Variants in RBFA observed in about 807,000 individuals in gnomAD.
The protein encoded by RBFA is ribosome binding factor A, also known as putative ribosome-binding factor A, mitochondrial.
In RBFA, 16 loss-of-function variants were observed where a neutral mutation model predicts 27.9. The observed-to-expected ratio is 0.57, with a 90% CI of 0.39 to 0.87. The LOEUF (loss-of-function observed/expected upper bound fraction) is 0.87. Ranked by LOEUF, RBFA falls within the 40% of genes least tolerant of loss-of-function variation. The pLI, the probability that RBFA is intolerant of heterozygous loss-of-function variation, is 0.00. For synonymous variants in RBFA, 181 were observed against 181.0 expected (o/e 1.00, Z 0.00); for missense variants, 456 against 432.1 (o/e 1.06, Z -0.49).
chr18:80,045,519 C>T (rs188266705), intron 6 of RBFA, among the ~76,000 whole-genome samples: 1 of 152,238 alleles, frequency 6.6e-6, no homozygotes, highest in African/African-American at 2.4e-5. Flanking sequence ...GCCACCGTGC[C>T]CGGCGCAAAT....
At chr18:80,043,445 G>A (rs1212226585) in intron 5 of RBFA, among the ~76,000 whole-genome samples, 2 of 152,230 alleles carry the variant, frequency 1.3e-5, no homozygotes, top group East Asian at 3.8e-4. Flanking sequence ...AGGAATCAGG[G>A]ACAGTTCAGG....
In RBFA at chr18:80,046,323, G is replaced by GT. The variant is rs922643830; in HGVS notation, c.*177dup. 2,640 of 719,538 alleles carry GT rather than the reference G, an allele frequency of 3.7e-3. 1 individual carries two copies. Among genetic ancestry groups the GT allele is most frequent in the Middle Eastern group, 4.9e-3 (12 of 2,428 alleles). The allele number at this position is 719,538 out of a possible 1,614,324, so 44.6% of individuals were successfully genotyped here. A position where few individuals can be genotyped will look rare whatever the true frequency, so the allele number is the denominator to read the frequency against. On this transcript the variant is annotated 3_prime_UTR_variant, in exon 7 of 7. Coordinates refer to ENST00000306735, the MANE Select transcript of RBFA (RefSeq NM_024805.3). Reference sequence around the variant, plus strand: ...AACACAATTTGCTACACAAGTCACTGTTTTTTTTTCCATGCACTGTGTGTA... The same window carrying GT: ...AACACAATTTGCTACACAAGTCACTGTTTTTTTTTTCCATGCACTGTGTGTA...
chr18:80,044,100 A>G, intron 5 of RBFA, 112 bp from the exon 6 acceptor site: 3 of 901,340 alleles, frequency 3.3e-6, no homozygotes, highest in South Asian at 1.3e-5. Context: ...GGAATTGTGC[A>G]AAGTCTGATC....
intron 5 of RBFA, among the ~76,000 whole-genome samples, chr18:80,043,994 G>A (rs1432324367): frequency 3.9e-5 from 6 of 152,198 alleles, no homozygotes; most frequent in African/African-American, 1.2e-4. Context: ...GCCTCACTTC[G>A]TTATCAGAGA....
At chr18:80,044,390 A>G (rs2052036614) in intron 6 of RBFA, 105 bp downstream of exon 6, 3 of 995,776 alleles carry the variant, frequency 3.0e-6, no homozygotes, top group Non-Finnish European at 4.8e-6. Context: ...AGTAGCCTGC[A>G]TGATCCCCAT....
At position 80,046,422 on chromosome 18, in the gene RBFA, C is replaced by A; in HGVS notation, c.*267C>A. On this transcript the variant is annotated 3_prime_UTR_variant, in exon 7 of 7. Transcript: ENST00000306735. ...ATGGTAAAATAGTGTCTCTGAGATG[C>A]TGGCATGGCCACCTCCACCTGCAGA... 2.4e-6 allele frequency: 1 copy of A among 423,026 alleles called. No homozygotes were observed. Among genetic ancestry groups the A allele is most frequent in the Non-Finnish European group, 4.3e-6 (1 of 232,096 alleles). The allele number at this position is 423,026 out of a possible 1,614,324, so 26.2% of individuals were successfully genotyped here.
intron 6 of RBFA, 121 bp from the exon 7 acceptor site, chr18:80,045,653 T>G: frequency 8.6e-6 from 10 of 1,165,674 alleles, no homozygotes; most frequent in South Asian, 2.5e-5. Flanking sequence ...CAGATAGACG[T>G]TTGGGAGGGT....
Position 80,048,821 on chromosome 18 carries a change from T to C in RBFA, c.*2666T>C, listed in dbSNP as rs534066495. On this transcript the variant is annotated 3_prime_UTR_variant, in exon 7 of 7. Coordinates refer to ENST00000306735, the MANE Select transcript of RBFA (RefSeq NM_024805.3). ...CGTTTGCAGGGGATCCAACCAGGCG[T>C]CAGCTCAGTGCCTCCTAGAAAGTGG... Among the ~76,000 whole-genome samples, 83 of 145,370 alleles carry C rather than the reference T, an allele frequency of 5.7e-4. No individual in the cohort carries two copies. Among genetic ancestry groups the C allele is most frequent in the African/African-American group, 2.1e-3 (77 of 36,298 alleles).
At chr18:80,043,414 G>A (rs1184090341) in intron 5 of RBFA, among the ~76,000 whole-genome samples, 2 of 152,240 alleles carry the variant, frequency 1.3e-5, no homozygotes, top group East Asian at 3.8e-4. Context: ...ACGAAGGAGT[G>A]AAGTTATAGT....
In RBFA at chr18:80,045,788, C is replaced by G. The variant is rs2052047877; in HGVS notation, c.665C>G (p.Pro222Arg). 8.6e-6 allele frequency: 13 copies of G among 1,516,654 alleles called. No homozygotes were observed. The East Asian group carries it at 3.0e-4, about 34-fold the overall frequency. 93.9% of individuals were successfully genotyped at this position (1,516,654 alleles called of 1,614,324 possible). Reference protein sequence around the residue: ...VQNDFRDPDAPQPCGTTEPTT... With the variant: ...VQNDFRDPDARQPCGTTEPTT... ...TTCCTTCCCAGGGACCCTGATGCCCCACAACCCTGCGGCACCACAGAGCCG... is the reference window on the plus strand; with the variant it reads ...TTCCTTCCCAGGGACCCTGATGCCCGACAACCCTGCGGCACCACAGAGCCG... The change falls in exon 7 of 7, where the codon CCA becomes CGA. Residue 222 changes from proline (P) to arginine (R), a missense_variant. Physicochemically the swap from Pro to Arg is moderately radical, Grantham distance 103. Transcript: ENST00000306735.
Position 80,034,539 on chromosome 18 carries a change from T to G in RBFA, c.44T>G (p.Leu15Arg). ...AGGLWRSRAG[L>R]RALFRSRDAA... Reference sequence around the variant, plus strand: ...GGGCTGTGGCGCTCCCGCGCGGGTCTCCGGGCCCTGTTCCGTAGCCGCGAT... The same window carrying G: ...GGGCTGTGGCGCTCCCGCGCGGGTCGCCGGGCCCTGTTCCGTAGCCGCGAT... Residue 15 changes from leucine (L) to arginine (R), a missense_variant, in exon 1 of 7, where the codon CTC becomes CGC. Leu to Arg is a moderately radical substitution (Grantham distance 102). Transcript: ENST00000306735. The G allele has an allele frequency of 6.3e-7, 1 of 1,599,066 alleles. No homozygotes were observed. The highest frequency in any genetic ancestry group is 1.1e-5 in the South Asian group (1 of 89,432).
intron 2 of RBFA, among the ~76,000 whole-genome samples, chr18:80,037,001 C>T (rs1214132333): frequency 6.6e-6 from 1 of 152,192 alleles, no homozygotes; most frequent in African/African-American, 2.4e-5. Flanking sequence ...GGCTCCCATT[C>T]TGAAAAATAA....
intron 4 of RBFA, among the ~76,000 whole-genome samples, chr18:80,040,750 A>G (rs2052011228): frequency 6.6e-6 from 1 of 152,178 alleles, no homozygotes; most frequent in South Asian, 2.1e-4. Flanking sequence ...AGCGACTTTA[A>G]AAAGACGTAG....
In RBFA at chr18:80,049,564, G is replaced by A. The variant is rs2052082373; in HGVS notation, c.*3409G>A. On this transcript the variant is annotated 3_prime_UTR_variant, in exon 7 of 7. Coordinates refer to ENST00000306735, the MANE Select transcript of RBFA (RefSeq NM_024805.3). Reference sequence around the variant, plus strand: ...TGATGAAATGTGAAACGACTTCACAGGTTTTCAGTCTGATAAGCTCTCCTG... The same window carrying A: ...TGATGAAATGTGAAACGACTTCACAAGTTTTCAGTCTGATAAGCTCTCCTG... Among the ~76,000 whole-genome samples the A allele has an allele frequency of 6.6e-6, 1 of 152,218 alleles. No homozygotes were observed. The highest frequency in any genetic ancestry group is 1.5e-5 in the Non-Finnish European group (1 of 68,032).
Position 80,045,990 on chromosome 18 carries a change from C to G in RBFA, c.867C>G (p.Asp289Glu). ...RKRAKPRLEQ[D>E]SSLKSYLSGE... Reference sequence around the variant, plus strand: ...GGGCCAAGCCCCGCCTGGAGCAGGACAGCTCCCTCAAGAGTTACCTGTCAG... The same window carrying G: ...GGGCCAAGCCCCGCCTGGAGCAGGAGAGCTCCCTCAAGAGTTACCTGTCAG... The change falls in exon 7 of 7, where the codon GAC becomes GAG. Residue 289 changes from aspartate (D) to glutamate (E), a missense_variant. Physicochemically the swap from Asp to Glu is conservative, Grantham distance 45 (BLOSUM62 2). Coordinates refer to ENST00000306735, the MANE Select transcript of RBFA (RefSeq NM_024805.3). The G allele has an allele frequency of 6.2e-7, 1 of 1,614,152 alleles. No homozygotes were observed. Among genetic ancestry groups the G allele is most frequent in the Non-Finnish European group, 8.5e-7 (1 of 1,180,036 alleles).
intron 2 of RBFA, 103 bp from the exon 3 acceptor site, chr18:80,037,227 T>C (rs2051985189): frequency 1.2e-6 from 1 of 817,244 alleles, no homozygotes; most frequent in South Asian, 1.8e-5. Flanking sequence ...TAGCTGCTGT[T>C]GATCTGGTTG....
chr18:80,049,243 G>T lies in RBFA; in HGVS notation c.*3088G>T, dbSNP rs2052079904. 6.6e-6 allele frequency among the ~76,000 whole-genome samples: 1 copy of T among 152,076 alleles called. No individual in the cohort carries two copies. On this transcript the variant is annotated 3_prime_UTR_variant, in exon 7 of 7. Transcript: ENST00000306735. ...CTGGGGATTTCCGCGGCCTTCCCTGGGAGCGGGTTAGGGACATGGAAGCTC... is the reference window on the plus strand; with the variant it reads ...CTGGGGATTTCCGCGGCCTTCCCTGTGAGCGGGTTAGGGACATGGAAGCTC...
At chr18:80,037,888 C>CAAA (rs56784827) in intron 3 of RBFA, among the ~76,000 whole-genome samples, 1 of 145,596 alleles carries the variant, frequency 6.9e-6, no homozygotes, top group Non-Finnish European at 1.5e-5. Context: ...GACTCCATCT[C>CAAA]AAAAAAAAAA....
intron 1 of RBFA, chr18:80,034,940 A>G (rs1234858054): frequency 2.6e-6 from 1 of 386,600 alleles, no homozygotes; most frequent in Non-Finnish European, 4.6e-6. Context: ...GGAAAAATGA[A>G]AAAATATAAG....
Sources: allele counts gnomAD v4.1 joint callset (sites outside exome capture counted in the v4.1 genomes callset), GRCh38; gene constraint gnomAD v4.1.1; transcripts MANE v1.5; gene names NCBI Gene and HGNC (gene_info 2026-07-23, HGNC 2026-07-21).